Variants in GSN observed in about 807,000 individuals in gnomAD.
GSN encodes the protein actin-depolymerizing factor.
In GSN, 56 loss-of-function variants were observed where a neutral mutation model predicts 85.7. The observed-to-expected ratio is 0.65, with a 90% CI of 0.53 to 0.82. The LOEUF is 0.82. Among genes scored for constraint, GSN ranks in the 40% least tolerant of loss-of-function variants. The pLI is 0.00. For missense variants in GSN, 857 were observed against 979.8 expected, an observed-to-expected ratio of 0.87 and a Z score of 1.67; for synonymous variants, 373 against 399.1, an observed-to-expected ratio of 0.93 and a Z score of 0.78.
chr9:121,310,997 G>A (rs2061064287), intron 5 of GSN, 152 bp downstream of exon 5: 1 of 712,520 alleles, frequency 1.4e-6, no homozygotes, highest in Admixed American at 2.1e-5. Flanking sequence ...TGTATGCAAA[G>A]ACTCCCACAA....
chr9:121,219,546 G>A (rs1028477500), intron 4 of GSN, among the ~76,000 whole-genome samples: 1 of 152,196 alleles, frequency 6.6e-6, no homozygotes, highest in Non-Finnish European at 1.5e-5. Flanking sequence ...TAGGGGCTGA[G>A]AAGACCCTGA....
intron 6 of GSN, among the ~76,000 whole-genome samples, chr9:121,258,517 T>A (rs12006216): frequency 0.027 from 4,060 of 152,206 alleles, 192 homozygotes; most frequent in African/African-American, 0.093. Flanking sequence ...GATTTTTTTT[T>A]AAATATGAAA....
chr9:121,202,902 G>A (rs1194583428), upstream of GSN, among the ~76,000 whole-genome samples: 1 of 152,138 alleles, frequency 6.6e-6, no homozygotes, highest in African/African-American at 2.4e-5. Flanking sequence ...CACGACGGGC[G>A]GATCACGAGG....
intron 5 of GSN, among the ~76,000 whole-genome samples, chr9:121,242,083 A>G (rs2132201596): frequency 6.6e-6 from 1 of 152,344 alleles, no homozygotes; most frequent in East Asian, 1.9e-4. Flanking sequence ...CTATTATTAT[A>G]TCTATTAGTA....
At chr9:121,279,420 T>C (rs980932100) in intron 1 of GSN, among the ~76,000 whole-genome samples, 6 of 152,010 alleles carry the variant, frequency 3.9e-5, no homozygotes, top group Non-Finnish European at 7.4e-5. Context: ...AGGAAGGTTC[T>C]GCAGTCATGC....
At chr9:121,283,123 C>T (rs1027914328) in intron 2 of GSN, 1 of 167,082 alleles carries the variant, frequency 6.0e-6, no homozygotes, top group Non-Finnish European at 1.5e-5. Flanking sequence ...GCTGCACTGT[C>T]TGGTTTATTT....
intron 1 of GSN, among the ~76,000 whole-genome samples, chr9:121,278,157 C>A (rs2056898701): frequency 1.3e-5 from 2 of 151,924 alleles, no homozygotes; most frequent in African/African-American, 4.8e-5. Context: ...ACTGCCCAGA[C>A]ATCTTAGCTG....
At chr9:121,286,613 G>T in intron 2 of GSN, 1 of 1,516,126 alleles carries the variant, frequency 6.6e-7, no homozygotes, top group Admixed American at 2.0e-5. Flanking sequence ...GCCCACAACT[G>T]CTTGAATGAC....
At chr9:121,218,659 C>T (rs879279909) in intron 4 of GSN, among the ~76,000 whole-genome samples, 2 of 151,954 alleles carry the variant, frequency 1.3e-5, no homozygotes, top group Non-Finnish European at 2.9e-5. Flanking sequence ...AAGGAGGAAA[C>T]GTACATGTAA....
At chr9:121,317,311 G>A in intron 8 of GSN, 93 bp downstream of exon 8, 1 of 1,344,758 alleles carries the variant, frequency 7.4e-7, no homozygotes. Flanking sequence ...GGGGAGTGTG[G>A]AGTGTGCCTG....
At chr9:121,249,043 T>C (rs2054760102) in intron 6 of GSN, among the ~76,000 whole-genome samples, 1 of 152,224 alleles carries the variant, frequency 6.6e-6, no homozygotes, top group South Asian at 2.1e-4. Context: ...ACAATCTAGA[T>C]GTAAGATGAT....
At chr9:121,243,084 T>C (rs983509617) in intron 5 of GSN, among the ~76,000 whole-genome samples, 2 of 152,142 alleles carry the variant, frequency 1.3e-5, no homozygotes, top group Non-Finnish European at 2.9e-5. Context: ...AGTTCAGCAG[T>C]CTCCCTGGGC....
intron 6 of GSN, among the ~76,000 whole-genome samples, chr9:121,254,711 TCCA>T (rs1413696818): frequency 1.3e-5 from 2 of 152,210 alleles, no homozygotes; most frequent in Non-Finnish European, 2.9e-5. Context: ...TGTTTGTGTC[TCCA>T]CCACGTTTTA....
At chr9:121,214,107 A>G (rs2054014869) in intron 4 of GSN, among the ~76,000 whole-genome samples, 1 of 152,228 alleles carries the variant, frequency 6.6e-6, no homozygotes, top group African/African-American at 2.4e-5. Flanking sequence ...CAACGAGTGC[A>G]TGCCTAAAAT....
intron 5 of GSN, among the ~76,000 whole-genome samples, chr9:121,236,791 C>T (rs779065664): frequency 2.0e-4 from 31 of 152,134 alleles, no homozygotes; most frequent in Non-Finnish European, 3.7e-4. Context: ...CCACCTGTGC[C>T]ACAACATTAC....
chr9:121,320,466 G>A (rs2062277293), intron 10 of GSN, among the ~76,000 whole-genome samples: 1 of 152,130 alleles, frequency 6.6e-6, no homozygotes, highest in Non-Finnish European at 1.5e-5. Flanking sequence ...CCAACATGGT[G>A]AAACCCCGTC....
chr9:121,281,391 G>A (rs2132596596), intron 1 of GSN, 79 bp from the exon 2 acceptor site: 1 of 359,924 alleles, frequency 2.8e-6, no homozygotes, highest in African/African-American at 2.1e-5. Context: ...GAGGAAAGGG[G>A]TTGAAACATC....
intron 4 of GSN, among the ~76,000 whole-genome samples, chr9:121,227,320 G>A (rs1366217221): frequency 6.6e-6 from 1 of 152,024 alleles, no homozygotes; most frequent in African/African-American, 2.4e-5. Flanking sequence ...CTTGAACCCA[G>A]GAGGCGGAGG....
chr9:121,277,247 C>T (rs191262866), intron 1 of GSN, among the ~76,000 whole-genome samples: 1 of 152,320 alleles, frequency 6.6e-6, no homozygotes, highest in East Asian at 1.9e-4. Flanking sequence ...TCTTTAGACC[C>T]TTTCTCTCCT....
Sources: allele counts gnomAD v4.1 joint callset (sites outside exome capture counted in the v4.1 genomes callset), GRCh38; gene constraint gnomAD v4.1.1; transcripts MANE v1.5; gene names NCBI Gene and HGNC (gene_info 2026-07-23, HGNC 2026-07-21).